The following GNA11 variants were observed in gnomAD, a reference collection of about 807,000 sequenced individuals.
GNA11 encodes the protein guanine nucleotide-binding protein subunit alpha-11.
A neutral mutation model predicts 38.2 loss-of-function variants in GNA11; 8 were observed. The ratio of observed to expected loss-of-function variants is 0.21; its 90% CI spans 0.12 to 0.38. The LOEUF is 0.38. Among genes scored for constraint, GNA11 ranks in the 10% least tolerant of loss-of-function variants. The probability of loss-of-function intolerance (pLI) is 1.00; values close to 1 mark genes in which losing one functional copy is unlikely to be tolerated. For missense variants in GNA11, 268 were observed against 516.3 expected, an observed-to-expected ratio of 0.52 and a Z score of 4.66; for synonymous variants, 211 against 221.4, an observed-to-expected ratio of 0.95 and a Z score of 0.42.
At position 3,110,098 on chromosome 19, in the gene GNA11, A is replaced by C. The variant is rs1186087860; in HGVS notation, c.137-51A>C. 1 of 1,447,856 alleles carries C rather than the reference A, an allele frequency of 6.9e-7. No individual in the cohort carries two copies. The highest frequency in any genetic ancestry group is 9.4e-7 in the Non-Finnish European group (1 of 1,058,494). The allele number at this position is 1,447,856 out of a possible 1,614,324, so 89.7% of individuals were successfully genotyped here. A position where few individuals can be genotyped will look rare whatever the true frequency, so the allele number is the denominator to read the frequency against. On this transcript the variant is annotated intron_variant, in intron 1 of 6. Coordinates refer to ENST00000078429, the MANE Select transcript of GNA11 (RefSeq NM_002067.5). This position sits in a 1 kb window ranked among gnomAD's most constrained non-coding sequence, Gnocchi z 5.4. ...GGTCTGGGTAAGAGGGGGCAGCAGC[A>C]CGAGAGTCAGGCCCCGGCTGCCGCC...
chr19:3,098,795 C>T (rs1284714528), intron 1 of GNA11, among the ~76,000 whole-genome samples: 1 of 152,168 alleles, frequency 6.6e-6, no homozygotes, highest in Non-Finnish European at 1.5e-5. Flanking sequence ...GAGCAGGAAG[C>T]GCCCTTGGAT....
At position 3,119,449 on chromosome 19, in the gene GNA11, G is replaced by T; in HGVS notation, c.889+90G>T. Reference sequence around the variant, plus strand: ...TATGGGAGAGGGGCTCATACAGGCCGGGAGCTCTAAGGGAGGGCGTCTGAT... The same window carrying T: ...TATGGGAGAGGGGCTCATACAGGCCTGGAGCTCTAAGGGAGGGCGTCTGAT... On this transcript the variant is annotated intron_variant, in intron 6 of 6. Coordinates refer to ENST00000078429, the MANE Select transcript of GNA11 (RefSeq NM_002067.5). The surrounding 1 kb of genome is among the most constrained non-coding windows in gnomAD (Gnocchi z 4.6). 3 of 1,263,016 alleles carry T rather than the reference G, an allele frequency of 2.4e-6. No individual in the cohort carries two copies. The highest frequency in any genetic ancestry group is 3.3e-6 in the Non-Finnish European group (3 of 898,210). The allele number at this position is 1,263,016 out of a possible 1,614,324, so 78.2% of individuals were successfully genotyped here.
In GNA11 at chr19:3,123,074, G is replaced by A. The variant is rs962920070; in HGVS notation, c.*1895G>A. 1 of 233,348 alleles carries A rather than the reference G, an allele frequency of 4.3e-6. No homozygotes were observed. The allele number at this position is 233,348 out of a possible 1,614,324, so 14.5% of individuals were successfully genotyped here. The stretch of plus-strand genomic sequence containing the variant: ...GAGTGCTGGGGCCCGGCGGTGCCCT[G>A]GGGGAGCAGATGGGGCCACCCCTGG... On this transcript the variant is annotated 3_prime_UTR_variant, in exon 7 of 7. Transcript: ENST00000078429.
At chr19:3,103,238 G>C (rs111368627) in intron 1 of GNA11, among the ~76,000 whole-genome samples, 1 of 151,930 alleles carries the variant, frequency 6.6e-6, no homozygotes, top group Non-Finnish European at 1.5e-5. Flanking sequence ...TTTTGAGAGA[G>C]AGTCTCACTC....
Position 3,123,797 on chromosome 19 carries a change from C to T in GNA11, c.*2618C>T, listed in dbSNP as rs953692878. The T allele has an allele frequency of 4.3e-6, 1 of 232,110 alleles. No individual in the cohort carries two copies. The highest frequency in any genetic ancestry group is 8.5e-6 in the Non-Finnish European group (1 of 117,410). The allele number at this position is 232,110 out of a possible 1,614,324, so 14.4% of individuals were successfully genotyped here. A position where few individuals can be genotyped will look rare whatever the true frequency, so the allele number is the denominator to read the frequency against. ...TCTATTTAAAAAAGAATATTCTATA[C>T]AAGCTGTTTTTAAGCCTTTTACCAT... is the stretch of plus-strand genomic sequence containing the variant. On this transcript the variant is annotated 3_prime_UTR_variant, in exon 7 of 7. Coordinates refer to ENST00000078429, the MANE Select transcript of GNA11 (RefSeq NM_002067.5).
chr19:3,101,488 G>A (rs1913505912), intron 1 of GNA11, among the ~76,000 whole-genome samples: 1 of 152,216 alleles, frequency 6.6e-6, no homozygotes. Context: ...CTCGGCCTTA[G>A]TCCCACTGGA....
chr19:3,115,016 C>T lies in GNA11; in HGVS notation c.549C>T (p.Arg183=), dbSNP rs758392443. The T allele has an allele frequency of 8.7e-6, 14 of 1,613,144 alleles. No homozygotes were observed. Among genetic ancestry groups the T allele is most frequent in the Middle Eastern group, 1.6e-4 (1 of 6,082 alleles). ...CCCAGCAGGACGTGCTGCGGGTCCGCGTGCCCACCACCGGCATCATCGAGT... is the reference window on the plus strand; with the variant it reads ...CCCAGCAGGACGTGCTGCGGGTCCGTGTGCCCACCACCGGCATCATCGAGT... ...LPTQQDVLRV[R]VPTTGIIEYP... The change falls in exon 4 of 7, where the codon CGC becomes CGT. Residue 183 remains arginine, a synonymous_variant. Coordinates refer to ENST00000078429, the MANE Select transcript of GNA11 (RefSeq NM_002067.5).
At chr19:3,112,497 G>A (rs961401879) in intron 2 of GNA11, among the ~76,000 whole-genome samples, 4 of 152,184 alleles carry the variant, frequency 2.6e-5, no homozygotes, top group African/African-American at 7.2e-5. Context: ...CGGCCTGTGC[G>A]CCCCGGGGAC....
chr19:3,104,023 T>C (rs922837990), intron 1 of GNA11, among the ~76,000 whole-genome samples: 6 of 152,154 alleles, frequency 3.9e-5, no homozygotes, highest in Non-Finnish European at 7.4e-5. Flanking sequence ...GGTTTCACCA[T>C]GTTGGCTAGG....
In GNA11 at chr19:3,121,020, G is replaced by T; in HGVS notation, c.921G>T (p.Glu307Asp). 2 of 1,613,572 alleles carry T rather than the reference G, an allele frequency of 1.2e-6. No homozygotes were observed. Among genetic ancestry groups the T allele is most frequent in the Non-Finnish European group, 1.7e-6 (2 of 1,179,760 alleles). ...GPQRDAQAAR[E>D]FILKMFVDLN... is the part of the protein sequence containing the mutation. ...AGCGGGACGCCCAGGCGGCGCGGGAGTTCATCCTGAAGATGTTCGTGGACC... is the reference window on the plus strand; with the variant it reads ...AGCGGGACGCCCAGGCGGCGCGGGATTTCATCCTGAAGATGTTCGTGGACC... The change falls in exon 7 of 7, where the codon GAG becomes GAT. Residue 307 changes from glutamate (E) to aspartate (D), a missense_variant. Coordinates refer to ENST00000078429, the MANE Select transcript of GNA11 (RefSeq NM_002067.5).
intron 1 of GNA11, among the ~76,000 whole-genome samples, chr19:3,100,212 TG>T (rs962785691): frequency 6.6e-6 from 1 of 152,158 alleles, no homozygotes; most frequent in Non-Finnish European, 1.5e-5. Context: ...GATCGTTCTC[TG>T]GGGTGGAGCT....
chr19:3,100,216 G>A (rs138332258), intron 1 of GNA11, among the ~76,000 whole-genome samples: 333 of 152,308 alleles, frequency 2.2e-3, no homozygotes, highest in Non-Finnish European at 3.4e-3. Context: ...GTTCTCTGGG[G>A]TGGAGCTGTC....
At chr19:3,118,775 TCCTTGCC>T in intron 4 of GNA11, 142 bp from the exon 5 acceptor site, 1 of 717,118 alleles carries the variant, frequency 1.4e-6, no homozygotes, top group Non-Finnish European at 2.4e-6. Context: ...TCTGAGAGCG[TCCTTGCC>T]CGTTCTAAGA....
At chr19:3,114,015 C>T (rs1292521965) in intron 3 of GNA11, among the ~76,000 whole-genome samples, 1 of 152,130 alleles carries the variant, frequency 6.6e-6, no homozygotes. Flanking sequence ...AGGTGGAGGC[C>T]CCCGCGTGGC....
rs549180256 is a variant in GNA11 at position 3,121,573 on chromosome 19, C to T, written c.*394C>T. 1 of 235,622 alleles carries T rather than the reference C, an allele frequency of 4.2e-6. No individual in the cohort carries two copies. Among genetic ancestry groups the T allele is most frequent in the East Asian group, 6.0e-5 (1 of 16,608 alleles). The allele number at this position is 235,622 out of a possible 1,614,324, so 14.6% of individuals were successfully genotyped here. On this transcript the variant is annotated 3_prime_UTR_variant, in exon 7 of 7. Coordinates refer to ENST00000078429, the MANE Select transcript of GNA11 (RefSeq NM_002067.5). ...CCCCGCCAGCCAGCATGGGGCCCCGCCCTGCAGCCAGTCACGCGCCCCCAC... is the reference window on the plus strand; with the variant it reads ...CCCCGCCAGCCAGCATGGGGCCCCGTCCTGCAGCCAGTCACGCGCCCCCAC...
In GNA11 at chr19:3,123,668, A is replaced by G. The variant is rs537750676; in HGVS notation, c.*2489A>G. Reference sequence around the variant, plus strand: ...CCCCCAGGGAGGCATCCCCGTGCCAATGTCCCCCAGTGGTGGCAGCAGATC... The same window carrying G: ...CCCCCAGGGAGGCATCCCCGTGCCAGTGTCCCCCAGTGGTGGCAGCAGATC... On this transcript the variant is annotated 3_prime_UTR_variant, in exon 7 of 7. Coordinates refer to ENST00000078429, the MANE Select transcript of GNA11 (RefSeq NM_002067.5). 7.4e-4 allele frequency: 172 copies of G among 233,144 alleles called. No individual in the cohort carries two copies. The highest frequency in any genetic ancestry group is 2.7e-3 in the African/African-American group (123 of 45,466). 14.4% of individuals were successfully genotyped at this position (233,144 alleles called of 1,614,324 possible). A position where few individuals can be genotyped will look rare whatever the true frequency, so the allele number is the denominator to read the frequency against.
intron 4 of GNA11, chr19:3,115,305 T>C (rs1318811684): frequency 4.4e-6 from 2 of 454,096 alleles, no homozygotes; most frequent in South Asian, 2.8e-5. Flanking sequence ...CTCAGGAGGC[T>C]GAGGCAGGAG....
rs575734447 is a variant in GNA11, at chr19:3,094,869, C to T, written c.136+82C>T. ...TGCCTGTCCGGGTCGGGCCGGGACC[C>T]TCCGGGGTCAGCCCTGCCTGTGCCG... On this transcript the variant is annotated intron_variant, in intron 1 of 6. Transcript: ENST00000078429. This position sits in a 1 kb window ranked among gnomAD's most constrained non-coding sequence, Gnocchi z 6.0. 7 of 1,110,698 alleles carry T rather than the reference C, an allele frequency of 6.3e-6. No homozygotes were observed. In the South Asian group the frequency reaches 1.2e-4, roughly 19 times the overall value. 68.8% of individuals were successfully genotyped at this position (1,110,698 alleles called of 1,614,324 possible).
At position 3,109,344 on chromosome 19, in the gene GNA11, A is replaced by G. The variant is rs565989453; in HGVS notation, c.137-805A>G. 7.2e-5 allele frequency among the ~76,000 whole-genome samples: 11 copies of G among 152,320 alleles called. No individual in the cohort carries two copies. The South Asian group carries it at 1.2e-3, about 17-fold the overall frequency. ...CTGGGGTGGAGCGACAGCTGGCCACATGGGCCCCCTTCCCGATAGTTTTTC... is the reference window on the plus strand; with the variant it reads ...CTGGGGTGGAGCGACAGCTGGCCACGTGGGCCCCCTTCCCGATAGTTTTTC... On this transcript the variant is annotated intron_variant, in intron 1 of 6. Coordinates refer to ENST00000078429, the MANE Select transcript of GNA11 (RefSeq NM_002067.5).
Sources: gnomAD v4.1 joint callset for allele counts (sites outside exome capture counted in the v4.1 genomes callset) on GRCh38, gnomAD v4.1.1 for gene constraint, Gnocchi (gnomAD v3.1) non-coding constraint, MANE v1.5 for transcripts, NCBI Gene and HGNC (gene_info 2026-07-23, HGNC 2026-07-21) for gene names.